Variants in CLIP2 observed in about 807,000 individuals in gnomAD.
CLIP2 encodes the protein CAP-Gly domain-containing linker protein 2.
A neutral mutation model predicts 111.7 loss-of-function variants in CLIP2; 41 were observed. The observed-to-expected ratio is 0.37, with a 90% CI of 0.29 to 0.48. The LOEUF is 0.48. CLIP2 is among the 20% of genes least tolerant of loss of function. The pLI is 0.99. For synonymous variants in CLIP2, 660 were observed against 644.2 expected (o/e 1.02, Z -0.37); for missense variants, 1,160 against 1,422.1 (o/e 0.82, Z 2.96).
At chr7:74,312,631 A>G (rs1788669362) in intron 1 of CLIP2, among the ~76,000 whole-genome samples, 1 of 152,304 alleles carries the variant, frequency 6.6e-6, no homozygotes, top group East Asian at 1.9e-4. Context: ...CAGGAGGGCC[A>G]GGTTCTGAGG....
At chr7:74,309,584 G>A (rs868924021) in intron 1 of CLIP2, among the ~76,000 whole-genome samples, 6 of 151,354 alleles carry the variant, frequency 4.0e-5, no homozygotes, top group East Asian at 2.0e-4. Context: ...CCGGCCGGGC[G>A]TGGTGGCACA....
At chr7:74,327,390 AC>A (rs1265058023) in intron 2 of CLIP2, among the ~76,000 whole-genome samples, 20 of 152,330 alleles carry the variant, frequency 1.3e-4, no homozygotes, top group African/African-American at 4.3e-4. Context: ...GGCGTGAGCC[AC>A]TTCACTCGGT....
In CLIP2 at chr7:74,326,068, G is replaced by A. The variant is rs180788620; in HGVS notation, c.121+8401G>A. On this transcript the variant is annotated intron_variant, in intron 2 of 16. Coordinates refer to ENST00000223398, the MANE Select transcript of CLIP2 (RefSeq NM_003388.5). The stretch of plus-strand genomic sequence containing the variant: ...AGCCTGGCCAACATGGTGAAACCTC[G>A]TCTCTACTAAAAATAACAAAAATTA... Among the ~76,000 whole-genome samples the A allele has an allele frequency of 2.8e-3, 421 of 151,896 alleles. 2 individuals are homozygous for A. Among genetic ancestry groups the A allele is most frequent in the Non-Finnish European group, 3.9e-3 (268 of 67,952 alleles).
intron 4 of CLIP2, among the ~76,000 whole-genome samples, chr7:74,355,616 AAG>A (rs1307081223): frequency 2.6e-5 from 4 of 152,146 alleles, no homozygotes; most frequent in Non-Finnish European, 5.9e-5. Context: ...TCTCGAAAGA[AAG>A]AAAAAAACTG....
At chr7:74,403,075 T>C (rs1311013637) in intron 16 of CLIP2, among the ~76,000 whole-genome samples, 1 of 151,018 alleles carries the variant, frequency 6.6e-6, no homozygotes, top group Admixed American at 6.6e-5. Context: ...AAAAATCATC[T>C]GGGTGTGGTG....
chr7:74,298,175 T>C (rs1487558264), intron 1 of CLIP2, among the ~76,000 whole-genome samples: 2 of 151,004 alleles, frequency 1.3e-5, no homozygotes, highest in Non-Finnish European at 3.0e-5. Flanking sequence ...TGAGATCCTG[T>C]CTCTTCTTTT....
intron 2 of CLIP2, among the ~76,000 whole-genome samples, chr7:74,336,861 TTTTTTTTTTTTTTG>T (rs1789481288): frequency 1.4e-4 from 2 of 14,326 alleles, no homozygotes; most frequent in African/African-American, 2.5e-4. Flanking sequence ...GTTTTTTTTG[TTTTTTTTTTTTTTG>T]TTTTTTTTTG....
chr7:74,292,824 A>G (rs1267064893), intron 1 of CLIP2, among the ~76,000 whole-genome samples: 47 of 152,214 alleles, frequency 3.1e-4, no homozygotes. Flanking sequence ...CACCTACTGT[A>G]TGCCTGGGAG....
intron 11 of CLIP2, among the ~76,000 whole-genome samples, chr7:74,383,073 C>G (rs1358314310): frequency 6.3e-5 from 9 of 141,860 alleles, no homozygotes. Flanking sequence ...GAGTGAGACC[C>G]TGTCACCAAA....
At chr7:74,349,119 A>C (rs540687610) in intron 3 of CLIP2, among the ~76,000 whole-genome samples, 1 of 151,862 alleles carries the variant, frequency 6.6e-6, no homozygotes, top group Non-Finnish European at 1.5e-5. Context: ...ATGCCATGGG[A>C]TACTATTTGG....
chr7:74,396,594 C>T (rs777885817), intron 13 of CLIP2, among the ~76,000 whole-genome samples: 5 of 152,154 alleles, frequency 3.3e-5, no homozygotes, highest in Non-Finnish European at 7.3e-5. Context: ...GATCTTGGCT[C>T]ACTGCAACCT....
intron 1 of CLIP2, among the ~76,000 whole-genome samples, chr7:74,293,363 T>TC (rs1314450981): frequency 2.0e-5 from 3 of 152,102 alleles, no homozygotes; most frequent in Non-Finnish European, 4.4e-5. Flanking sequence ...AGCGCATCTG[T>TC]CCCGTCTCCT....
At chr7:74,342,885 A>T (rs1789696459) in intron 3 of CLIP2, among the ~76,000 whole-genome samples, 1 of 152,018 alleles carries the variant, frequency 6.6e-6, no homozygotes, top group Non-Finnish European at 1.5e-5. Context: ...AATACAAAAA[A>T]TTAGCCGGGT....
chr7:74,347,784 G>A (rs1299120677), intron 3 of CLIP2, among the ~76,000 whole-genome samples: 3 of 152,204 alleles, frequency 2.0e-5, no homozygotes, highest in Non-Finnish European at 4.4e-5. Context: ...TATTCATGTT[G>A]TATAAATATT....
At chr7:74,301,641 C>T (rs782084973) in intron 1 of CLIP2, among the ~76,000 whole-genome samples, 7 of 151,844 alleles carry the variant, frequency 4.6e-5, no homozygotes, top group Non-Finnish European at 1.0e-4. Flanking sequence ...ATCCGCCCAC[C>T]TCCACCTCCC....
chr7:74,376,303 C>G lies in CLIP2; in HGVS notation c.1902C>G (p.Thr634=). 6.2e-7 allele frequency: 1 copy of G among 1,613,786 alleles called. No individual in the cohort carries two copies. The highest frequency in any genetic ancestry group is 1.3e-5 in the African/African-American group (1 of 75,014). The change falls in exon 10 of 17, where the codon ACC becomes ACG. Residue 634 remains threonine (T), a synonymous_variant. Transcript: ENST00000223398. The surrounding 1 kb of genome is among the most constrained non-coding windows in gnomAD (Gnocchi z 7.1). ...AGTCCCTGGAGGACCTCAAAGCCACCCTGAACTCGGGCCCAGGCGCCCAGC... is the reference window on the plus strand; with the variant it reads ...AGTCCCTGGAGGACCTCAAAGCCACGCTGAACTCGGGCCCAGGCGCCCAGC... The part of the protein sequence containing the change: ...HQKSLEDLKA[T]LNSGPGAQQK...
At chr7:74,316,831 G>T (rs995306264) in intron 1 of CLIP2, among the ~76,000 whole-genome samples, 4 of 152,244 alleles carry the variant, frequency 2.6e-5, no homozygotes, top group East Asian at 1.9e-4. Context: ...CAAAGTGCTG[G>T]GATTACAGGC....
chr7:74,364,423 G>A (rs1701451980), intron 8 of CLIP2, 108 bp downstream of exon 8: 2 of 906,892 alleles, frequency 2.2e-6, no homozygotes, highest in Non-Finnish European at 3.4e-6. Context: ...CCCCGGGGAA[G>A]GGGCTGGGGG....
At chr7:74,320,195 C>CA (rs34079690) in intron 2 of CLIP2, among the ~76,000 whole-genome samples, 380 of 99,054 alleles carry the variant, frequency 3.8e-3, no homozygotes, top group South Asian at 0.016. Flanking sequence ...GATTCCATCT[C>CA]AAAAAAAAAA....
Sources: allele counts gnomAD v4.1 joint callset (sites outside exome capture counted in the v4.1 genomes callset), GRCh38; gene constraint gnomAD v4.1.1; non-coding constraint Gnocchi (gnomAD v3.1); transcripts MANE v1.5; gene names NCBI Gene and HGNC (gene_info 2026-07-23, HGNC 2026-07-21).